The following SLC24A2 variants were observed in gnomAD, a reference collection of about 807,000 sequenced individuals.
SLC24A2 encodes solute carrier family 24 member 2, also known as sodium/potassium/calcium exchanger 2.
A neutral mutation model predicts 62.0 loss-of-function variants in SLC24A2; 36 were observed. The observed-to-expected ratio is 0.58, with a 90% CI of 0.44 to 0.77. The LOEUF is 0.77. SLC24A2 is among the 30% of genes least tolerant of loss of function. SLC24A2 has a pLI of 0.00. For synonymous variants in SLC24A2, 358 were observed against 294.0 expected (o/e 1.22, Z -2.23); for missense variants, 846 against 817.9 (o/e 1.03, Z -0.42).
Position 19,545,877 on chromosome 9 carries a change from T to A in SLC24A2, c.1479+4260A>T, listed in dbSNP as rs112992468. On this transcript the variant is annotated intron_variant, in intron 8 of 10. Coordinates refer to ENST00000341998, the MANE Select transcript of SLC24A2 (RefSeq NM_020344.4). ...TGGTCTCAATCTCCTGACCTTGTGATCTGCCCTCCTCGGCCTCCCAGAGTG... is the reference window on the plus strand; with the variant it reads ...TGGTCTCAATCTCCTGACCTTGTGAACTGCCCTCCTCGGCCTCCCAGAGTG... 2.0e-3 allele frequency among the ~76,000 whole-genome samples: 307 copies of A among 152,274 alleles called. 1 individual carries two copies. The highest frequency in any genetic ancestry group is 7.2e-3 in the African/African-American group (300 of 41,550).
the SLC24A2 span, among the ~76,000 whole-genome samples, chr9:20,243,774 T>G: frequency 1.3e-5 from 2 of 152,110 alleles, no homozygotes; most frequent in Non-Finnish European, 2.9e-5. Flanking sequence ...CCTCACTTTT[T>G]GGGGGTGTTT....
chr9:20,070,662 T>C, the SLC24A2 span, among the ~76,000 whole-genome samples: 122 of 152,308 alleles, frequency 8.0e-4, no homozygotes, highest in East Asian at 0.013. Flanking sequence ...TACTTAAAGA[T>C]TGTACTTTAT....
the SLC24A2 span, among the ~76,000 whole-genome samples, chr9:20,265,965 G>A: frequency 6.6e-6 from 1 of 152,112 alleles, no homozygotes; most frequent in African/African-American, 2.4e-5. Context: ...AGGCTTATTA[G>A]GACCAGGAAA....
the SLC24A2 span, among the ~76,000 whole-genome samples, chr9:20,248,086 A>G: frequency 6.6e-6 from 1 of 152,238 alleles, no homozygotes; most frequent in Non-Finnish European, 1.5e-5. Context: ...TCTCCTACTA[A>G]ATAACCGTGT....
At chr9:19,775,921 C>T (rs187080717) in intron 2 of SLC24A2, among the ~76,000 whole-genome samples, 132 of 152,278 alleles carry the variant, frequency 8.7e-4, no homozygotes, top group South Asian at 1.5e-3. Context: ...GAGAAAAAAA[C>T]GTTCTTAACA....
the SLC24A2 span, among the ~76,000 whole-genome samples, chr9:20,209,346 C>T: frequency 6.6e-6 from 1 of 152,174 alleles, no homozygotes; most frequent in East Asian, 1.9e-4. Flanking sequence ...AAATTCTAGC[C>T]AAACAGCCAT....
the SLC24A2 span, among the ~76,000 whole-genome samples, chr9:20,101,888 C>A: frequency 3.3e-5 from 5 of 152,146 alleles, no homozygotes; most frequent in South Asian, 1.0e-3. Flanking sequence ...TAAAGATTCA[C>A]AAACACTGGA....
At chr9:20,083,661 TG>T in the SLC24A2 span, among the ~76,000 whole-genome samples, 5 of 152,210 alleles carry the variant, frequency 3.3e-5, no homozygotes, top group Admixed American at 3.3e-4. Context: ...CAGTACCCAC[TG>T]AAAGGATTAT....
the SLC24A2 span, among the ~76,000 whole-genome samples, chr9:19,810,903 T>A: frequency 1.3e-5 from 2 of 152,226 alleles, no homozygotes; most frequent in Admixed American, 1.3e-4. Context: ...TTCTTTAAAA[T>A]TTTAAAATAA....
At chr9:20,010,819 C>A in the SLC24A2 span, among the ~76,000 whole-genome samples, 1 of 140,170 alleles carries the variant, frequency 7.1e-6, no homozygotes, top group South Asian at 2.4e-4. Flanking sequence ...CCCAAGTGTT[C>A]TCATTGTTCA....
chr9:19,536,147 T>A (rs202124756), intron 8 of SLC24A2, among the ~76,000 whole-genome samples: 2 of 146,138 alleles, frequency 1.4e-5, no homozygotes, highest in Non-Finnish European at 3.0e-5. Context: ...CTGTTTGTCT[T>A]TTTTTTTTTT....
At chr9:20,196,691 C>T in the SLC24A2 span, among the ~76,000 whole-genome samples, 1 of 152,170 alleles carries the variant, frequency 6.6e-6, no homozygotes, top group Non-Finnish European at 1.5e-5. Flanking sequence ...TACATTCTGC[C>T]AAGGAGGCCT....
chr9:19,564,546 A>G (rs1162605332), intron 7 of SLC24A2, among the ~76,000 whole-genome samples: 3 of 66,176 alleles, frequency 4.5e-5, no homozygotes, highest in Non-Finnish European at 8.0e-5. Context: ...CTCTGTATCT[A>G]TCTGTCTATC....
chr9:19,654,026 C>A (rs1024627646), intron 2 of SLC24A2, among the ~76,000 whole-genome samples: 2 of 152,222 alleles, frequency 1.3e-5, no homozygotes, highest in Non-Finnish European at 2.9e-5. Context: ...CACCACCGCA[C>A]TCACGATACA....
chr9:19,521,327 T>C (rs1833188726), intron 9 of SLC24A2, among the ~76,000 whole-genome samples: 1 of 152,198 alleles, frequency 6.6e-6, no homozygotes, highest in Admixed American at 6.5e-5. Flanking sequence ...GTAGCCTTTA[T>C]ATGGTGCTTT....
At chr9:19,731,244 G>A (rs927775511) in intron 2 of SLC24A2, among the ~76,000 whole-genome samples, 3 of 152,254 alleles carry the variant, frequency 2.0e-5, no homozygotes, top group South Asian at 2.1e-4. Context: ...TAAACTACTA[G>A]TATAACTTAT....
chr9:19,711,271 G>A lies in SLC24A2; in HGVS notation c.930+74666C>T, dbSNP rs529293292. On this transcript the variant is annotated intron_variant, in intron 2 of 10. Coordinates refer to ENST00000341998, the MANE Select transcript of SLC24A2 (RefSeq NM_020344.4). ...TGTGTGATAATGCAATTGCTCTGAC[G>A]GCTAAAGTTGTATGTGCTTGGATTT... is the stretch of plus-strand genomic sequence containing the variant. 1.9e-3 allele frequency among the ~76,000 whole-genome samples: 285 copies of A among 152,272 alleles called. 2 individuals are homozygous for A. The highest frequency in any genetic ancestry group is 6.4e-3 in the African/African-American group (266 of 41,566).
the SLC24A2 span, among the ~76,000 whole-genome samples, chr9:20,294,882 C>A: frequency 5.1e-4 from 78 of 152,168 alleles, 1 homozygote; most frequent in Non-Finnish European, 8.8e-4. Flanking sequence ...CTTTCCCAAA[C>A]CTCAGGTCAC....
the SLC24A2 span, among the ~76,000 whole-genome samples, chr9:20,182,571 T>A: frequency 6.6e-6 from 1 of 151,900 alleles, no homozygotes; most frequent in Admixed American, 6.6e-5. Context: ...CACCCATAAG[T>A]GGGAGTTGAA....
Sources: gnomAD v4.1 joint callset for allele counts (sites outside exome capture counted in the v4.1 genomes callset) on GRCh38, gnomAD v4.1.1 for gene constraint, MANE v1.5 for transcripts, NCBI Gene and HGNC (gene_info 2026-07-23, HGNC 2026-07-21) for gene names.